The following EYS variants were observed in gnomAD, a reference collection of about 807,000 sequenced individuals.
The protein encoded by EYS is protein eyes shut homolog.
In EYS, 250 loss-of-function variants were observed where a neutral mutation model predicts 282.1. The observed-to-expected ratio is 0.89, with a 90% CI of 0.80 to 0.98. EYS has a LOEUF of 0.98. Among genes scored for constraint, EYS ranks in the 50% least tolerant of loss-of-function variants. EYS has a pLI of 0.00. For synonymous variants in EYS, 1,355 were observed against 1,282.9 expected, an observed-to-expected ratio of 1.06 and a Z score of -1.20; for missense variants, 4,016 against 3,709.0, an observed-to-expected ratio of 1.08 and a Z score of -2.15.
intron 19 of EYS, among the ~76,000 whole-genome samples, chr6:64,873,805 T>C (rs1766664933): frequency 6.6e-6 from 1 of 152,036 alleles, no homozygotes; most frequent in Non-Finnish European, 1.5e-5. Flanking sequence ...GCCTCATAAA[T>C]ATATACAATT....
intron 39 of EYS, among the ~76,000 whole-genome samples, chr6:63,781,392 T>A (rs1452391214): frequency 6.6e-6 from 1 of 152,214 alleles, no homozygotes; most frequent in African/African-American, 2.4e-5. Flanking sequence ...CATGGAATGT[T>A]CTTCCATTTG....
chr6:64,636,206 T>C (rs1767974980), intron 22 of EYS, among the ~76,000 whole-genome samples: 1 of 152,132 alleles, frequency 6.6e-6, no homozygotes, highest in Non-Finnish European at 1.5e-5. Context: ...AAGGCTACAG[T>C]AACCAAAACA....
intron 19 of EYS, among the ~76,000 whole-genome samples, chr6:64,849,174 T>C (rs1765806254): frequency 6.6e-6 from 1 of 151,964 alleles, no homozygotes; most frequent in African/African-American, 2.4e-5. Flanking sequence ...AAAGAGAAAA[T>C]GTATTAGCAT....
intron 2 of EYS, among the ~76,000 whole-genome samples, chr6:65,539,348 A>C (rs1768077513): frequency 6.6e-6 from 1 of 152,196 alleles, no homozygotes; most frequent in Admixed American, 6.5e-5. Flanking sequence ...ACACTACATA[A>C]GCCAAAGACA....
intron 31 of EYS, among the ~76,000 whole-genome samples, chr6:64,229,180 T>G (rs147211383): frequency 0.015 from 2,334 of 152,084 alleles, 58 homozygotes; most frequent in African/African-American, 0.053. Flanking sequence ...GAAGCTGAAG[T>G]AGGAGAATCA....
At chr6:64,023,998 C>G (rs1451622880) in intron 33 of EYS, among the ~76,000 whole-genome samples, 1 of 152,204 alleles carries the variant, frequency 6.6e-6, no homozygotes, top group East Asian at 1.9e-4. Context: ...ACATGCAGCT[C>G]GCCATGCCTG....
intron 35 of EYS, among the ~76,000 whole-genome samples, chr6:63,922,679 A>C (rs912733347): frequency 2.0e-5 from 3 of 152,206 alleles, no homozygotes; most frequent in Non-Finnish European, 2.9e-5. Flanking sequence ...CCTCACTATT[A>C]ATTTTCCTTT....
chr6:63,971,776 TC>T (rs1766587363), intron 35 of EYS, among the ~76,000 whole-genome samples: 1 of 152,230 alleles, frequency 6.6e-6, no homozygotes, highest in Admixed American at 6.5e-5. Context: ...AAGACTGAAC[TC>T]AAGTATTTTA....
intron 13 of EYS, among the ~76,000 whole-genome samples, chr6:65,046,995 G>A (rs1460848712): frequency 6.6e-6 from 1 of 151,684 alleles, no homozygotes; most frequent in African/African-American, 2.4e-5. Context: ...ATGTGAAGTT[G>A]TGCTTGCTTC....
chr6:65,437,164 CA>C (rs1249294048), intron 5 of EYS, among the ~76,000 whole-genome samples: 1 of 152,004 alleles, frequency 6.6e-6, no homozygotes, highest in Non-Finnish European at 1.5e-5. Flanking sequence ...TGAATTTATG[CA>C]ACTCTGCTGT....
intron 31 of EYS, among the ~76,000 whole-genome samples, chr6:64,188,939 A>G (rs1765025243): frequency 6.6e-6 from 1 of 152,130 alleles, no homozygotes; most frequent in Non-Finnish European, 1.5e-5. Flanking sequence ...AGAATTAAAG[A>G]CCTAGAAATA....
chr6:64,319,384 T>C (rs1186772385), intron 29 of EYS, among the ~76,000 whole-genome samples: 2 of 151,882 alleles, frequency 1.3e-5, no homozygotes, highest in African/African-American at 2.4e-5. Context: ...GCAATACCAA[T>C]TGATTAAATC....
In EYS at chr6:64,999,083, G is replaced by A. The variant is rs978924434; in HGVS notation, c.2138-1380C>T. ...AAGCATGCTTTTATTGTCAATAAATGTGTTTCTAACATAGATTAATACAGA... is the reference window on the plus strand; with the variant it reads ...AAGCATGCTTTTATTGTCAATAAATATGTTTCTAACATAGATTAATACAGA... On this transcript the variant is annotated intron_variant, in intron 13 of 42. Coordinates refer to ENST00000503581, the MANE Select transcript of EYS (RefSeq NM_001142800.2). Among the ~76,000 whole-genome samples the A allele has an allele frequency of 2.6e-5, 4 of 152,246 alleles. No individual in the cohort carries two copies. The Middle Eastern group carries it at 0.014, about 518-fold the overall frequency.
chr6:65,457,812 T>C (rs1373642059), intron 5 of EYS, among the ~76,000 whole-genome samples: 1 of 152,194 alleles, frequency 6.6e-6, no homozygotes, highest in African/African-American at 2.4e-5. Flanking sequence ...TAATTAGATG[T>C]GTACAAGTTT....
At chr6:65,223,974 C>T (rs1289649027) in intron 12 of EYS, among the ~76,000 whole-genome samples, 4 of 152,116 alleles carry the variant, frequency 2.6e-5, no homozygotes, top group Admixed American at 6.5e-5. Context: ...AACTTGTACA[C>T]GAGTGTCCTG....
chr6:64,147,484 A>T (rs543145018), intron 31 of EYS, among the ~76,000 whole-genome samples: 15 of 152,294 alleles, frequency 9.8e-5, no homozygotes, highest in African/African-American at 3.4e-4. Context: ...AATATTTACT[A>T]ATTCCTTACT....
chr6:64,246,229 C>T (rs1423068365), intron 30 of EYS, among the ~76,000 whole-genome samples: 3 of 148,732 alleles, frequency 2.0e-5, no homozygotes, highest in Admixed American at 6.7e-5. Flanking sequence ...TCTGTTTTAT[C>T]GGCTGTAAGA....
chr6:64,180,520 A>G (rs1016979149), intron 31 of EYS, among the ~76,000 whole-genome samples: 1 of 151,884 alleles, frequency 6.6e-6, no homozygotes, highest in African/African-American at 2.4e-5. Context: ...AATGATCTCA[A>G]CACCTCAGTA....
At chr6:65,181,033 T>A (rs1295762133) in intron 12 of EYS, among the ~76,000 whole-genome samples, 1 of 152,148 alleles carries the variant, frequency 6.6e-6, no homozygotes, top group Non-Finnish European at 1.5e-5. Context: ...GATCCCTTCC[T>A]TACACCTCAT....
Sources: gnomAD v4.1 joint callset for allele counts (sites outside exome capture counted in the v4.1 genomes callset) on GRCh38, gnomAD v4.1.1 for gene constraint, MANE v1.5 for transcripts, NCBI Gene and HGNC (gene_info 2026-07-23, HGNC 2026-07-21) for gene names.